Variants in CDC14B observed in about 807,000 individuals in gnomAD.
CDC14B encodes dual specificity protein phosphatase CDC14B.
In CDC14B, 22 loss-of-function variants were observed where a neutral mutation model predicts 64.2. The observed-to-expected ratio is 0.34, with a 90% confidence interval of 0.24 to 0.49. The LOEUF (loss-of-function observed/expected upper bound fraction) is 0.49. CDC14B is among the 20% of genes least tolerant of loss of function. The pLI is 0.99. For synonymous variants in CDC14B, 191 were observed against 215.8 expected, an observed-to-expected ratio of 0.89 and a Z score of 1.01; for missense variants, 498 against 629.9, an observed-to-expected ratio of 0.79 and a Z score of 2.24.
At chr9:96,612,145 C>T (rs988374948) in intron 1 of CDC14B, among the ~76,000 whole-genome samples, 3 of 152,228 alleles carry the variant, frequency 2.0e-5, no homozygotes, top group Non-Finnish European at 4.4e-5. Context: ...ATGATCACCA[C>T]GGCACCAAAC....
Position 96,619,497 on chromosome 9 carries a change from G to A in CDC14B, c.-119C>T. ...GGCGGCGGGCGCAGAGCGGCGCTGC[G>A]GGGACGGCGGGCGCCGGCAGAGCCC... is the stretch of plus-strand genomic sequence containing the variant. On this transcript the variant is annotated 5_prime_UTR_variant, in exon 1 of 14. Transcript: ENST00000375241. The A allele has an allele frequency of 2.5e-6, 1 of 396,780 alleles. No individual in the cohort carries two copies. Among genetic ancestry groups the A allele is most frequent in the Non-Finnish European group, 3.4e-6 (1 of 295,362 alleles). The allele number at this position is 396,780 out of a possible 1,614,324, so 24.6% of individuals were successfully genotyped here.
intron 1 of CDC14B, among the ~76,000 whole-genome samples, chr9:96,599,921 G>A (rs12682968): frequency 0.13 from 19,009 of 151,970 alleles, 1,602 homozygotes; most frequent in East Asian, 0.29. Context: ...CAGTAGAAAC[G>A]GGGTTTCACC....
intron 1 of CDC14B, among the ~76,000 whole-genome samples, chr9:96,586,072 GACCCAGGGA>G (rs1311584241): frequency 6.6e-6 from 1 of 152,048 alleles, no homozygotes; most frequent in Non-Finnish European, 1.5e-5. Context: ...TGACAGGAAA[GACCCAGGGA>G]ACTTTAGCGT....
At chr9:96,537,725 T>A (rs1018952533) in intron 7 of CDC14B, among the ~76,000 whole-genome samples, 14 of 152,088 alleles carry the variant, frequency 9.2e-5, no homozygotes, top group Admixed American at 4.6e-4. Context: ...ATCCAGTAAA[T>A]TTTTCCCTTT....
In CDC14B at chr9:96,515,729, G is replaced by C. The variant is rs752766816; in HGVS notation, c.1344-5940C>G. The C allele has an allele frequency of 6.2e-7, 1 of 1,606,880 alleles. No individual in the cohort carries two copies. Among genetic ancestry groups the C allele is most frequent in the Non-Finnish European group, 8.5e-7 (1 of 1,177,110 alleles). On this transcript the variant is annotated intron_variant, in intron 12 of 13. Coordinates refer to ENST00000375241, the MANE Select transcript of CDC14B (RefSeq NM_033331.4). The surrounding 1 kb of genome is among the most constrained non-coding windows in gnomAD (Gnocchi z 4.3). ...AGAATAGCAGGATGGGAAGAATGTA[G>C]TCACAAACAATCCACCAGATGACAA...
intron 4 of CDC14B, among the ~76,000 whole-genome samples, chr9:96,557,823 T>C (rs968085455): frequency 1.3e-5 from 2 of 152,230 alleles, no homozygotes; most frequent in Non-Finnish European, 2.9e-5. Context: ...AAGTAATCTA[T>C]TAAACATTAG....
rs765781808 is a variant in CDC14B at position 96,503,769 on chromosome 9, T to G, written c.1481A>C (p.Lys494Thr). The stretch of plus-strand genomic sequence containing the variant: ...GGTTTTTACTTAACGCAAGACTGTT[T>G]TAGTCCTTGAAATGGAGAGACTACA... ...SVKSLSISRT[K>T]TVLR is the part of the protein sequence containing the mutation. Residue 494 changes from lysine (K) to threonine (T), a missense_variant, in exon 14 of 14, where the codon AAA (lysine) becomes ACA (threonine). Physicochemically the swap from Lys to Thr is moderately conservative, Grantham distance 78. Transcript: ENST00000375241. 6.2e-7 allele frequency: 1 copy of G among 1,614,032 alleles called. No homozygotes were observed. Among genetic ancestry groups the G allele is most frequent in the East Asian group, 2.2e-5 (1 of 44,876 alleles).
At chr9:96,521,936 AACAC>A (rs1033371831) in intron 12 of CDC14B, among the ~76,000 whole-genome samples, 3 of 152,224 alleles carry the variant, frequency 2.0e-5, no homozygotes, top group African/African-American at 7.2e-5. Flanking sequence ...AATCCCAACT[AACAC>A]ACATTCACAA....
At chr9:96,618,803 C>A in intron 1 of CDC14B, 2 of 345,988 alleles carry the variant, frequency 5.8e-6, no homozygotes, top group East Asian at 1.8e-4. Flanking sequence ...TCGGGGAATC[C>A]TCAGGGGCTG....
At chr9:96,588,759 C>CCATT in intron 1 of CDC14B, among the ~76,000 whole-genome samples, 1 of 152,234 alleles carries the variant, frequency 6.6e-6, no homozygotes, top group African/African-American at 2.4e-5. Flanking sequence ...CAGACGTGAG[C>CCATT]CATTGCACCC....
At chr9:96,541,370 T>C (rs1840040201) in intron 6 of CDC14B, among the ~76,000 whole-genome samples, 1 of 152,226 alleles carries the variant, frequency 6.6e-6, no homozygotes, top group South Asian at 2.1e-4. Flanking sequence ...TCAAATTCTG[T>C]TGAACTAGAA....
chr9:96,505,602 G>A (rs900189906), intron 13 of CDC14B, among the ~76,000 whole-genome samples: 13 of 152,168 alleles, frequency 8.5e-5, no homozygotes, highest in Middle Eastern at 3.4e-3. Context: ...CCGATTCAAC[G>A]GAGCCAATTA....
In CDC14B at chr9:96,562,748, G is replaced by A; in HGVS notation, c.365C>T (p.Thr122Ile). The A allele has an allele frequency of 6.2e-7, 1 of 1,610,772 alleles. No individual in the cohort carries two copies. The highest frequency in any genetic ancestry group is 8.5e-7 in the Non-Finnish European group (1 of 1,177,048). ...TMLRKKIVHF[T>I]GSDQRKQANA... ...TGCTTGTTTTCTCTGATCAGAGCCAGTAAAATGAACAATTTTCTTCCTTAA... is the reference window on the plus strand; with the variant it reads ...TGCTTGTTTTCTCTGATCAGAGCCAATAAAATGAACAATTTTCTTCCTTAA... The change falls in exon 4 of 14, where the codon ACT becomes ATT. Residue 122 changes from threonine to isoleucine, a missense_variant. By Grantham distance (89) the Thr-to-Ile change is moderately conservative (BLOSUM62 -1). Transcript: ENST00000375241.
At chr9:96,616,723 C>CAAA (rs557948777) in intron 1 of CDC14B, among the ~76,000 whole-genome samples, 2 of 102,436 alleles carry the variant, frequency 2.0e-5, no homozygotes, top group African/African-American at 3.3e-5. Flanking sequence ...GACTCTGTCT[C>CAAA]AAAAAAAAAA....
intron 9 of CDC14B, among the ~76,000 whole-genome samples, chr9:96,528,526 A>G (rs1177902067): frequency 6.7e-6 from 1 of 150,244 alleles, no homozygotes; most frequent in Non-Finnish European, 1.5e-5. Flanking sequence ...CATCTCAAAA[A>G]AAAGAAAAAA....
At chr9:96,499,158 GC>G (rs1320744650), downstream of CDC14B, among the ~76,000 whole-genome samples, 9 of 152,246 alleles carry the variant, frequency 5.9e-5, no homozygotes, top group Non-Finnish European at 1.3e-4. Context: ...CTCCCACAGA[GC>G]CAGGGTCTGC....
intron 5 of CDC14B, among the ~76,000 whole-genome samples, chr9:96,547,465 T>TAAA (rs79522611): frequency 7.1e-6 from 1 of 140,166 alleles, no homozygotes; most frequent in South Asian, 2.3e-4. Flanking sequence ...GAGTCTGTCT[T>TAAA]AAAAAAAAAA....
chr9:96,516,461 TTTC>T (rs755639463), intron 12 of CDC14B, among the ~76,000 whole-genome samples: 31 of 152,248 alleles, frequency 2.0e-4, no homozygotes, highest in Non-Finnish European at 3.7e-4. Context: ...TTGGTGTTTC[TTTC>T]TTATTTTTTA....
At chr9:96,597,608 A>T (rs989654523) in intron 1 of CDC14B, among the ~76,000 whole-genome samples, 2 of 152,140 alleles carry the variant, frequency 1.3e-5, no homozygotes, top group Non-Finnish European at 2.9e-5. Flanking sequence ...TCAAAAACAA[A>T]GGCACAATGA....
Sources: allele counts gnomAD v4.1 joint callset (sites outside exome capture counted in the v4.1 genomes callset), GRCh38; gene constraint gnomAD v4.1.1; non-coding constraint Gnocchi (gnomAD v3.1); transcripts MANE v1.5; gene names NCBI Gene and HGNC (gene_info 2026-07-23, HGNC 2026-07-21).